The following KAT2A variants were observed in gnomAD, a reference collection of about 807,000 sequenced individuals.
The protein encoded by KAT2A is histone acetyltransferase KAT2A.
Under a neutral mutation model 95.2 loss-of-function variants are expected in KAT2A, and 42 were observed. The ratio of observed to expected loss-of-function variants is 0.44; its 90% CI spans 0.34 to 0.57. The LOEUF is 0.57. KAT2A is among the 20% of genes least tolerant of loss of function. The pLI, the probability that KAT2A is intolerant of heterozygous loss-of-function variation, is 0.01. For missense variants in KAT2A, 784 were observed against 1,126.3 expected (o/e 0.70, Z 4.35); for synonymous variants, 449 against 448.2 (o/e 1.00, Z -0.02).
intron 2 of KAT2A, 40 bp from the exon 3 acceptor site, chr17:42,120,410 G>A (rs375934578): frequency 7.9e-5 from 127 of 1,607,648 alleles, no homozygotes; most frequent in South Asian, 1.2e-4. Context: ...ATTGATAGAA[G>A]AAATCAACAA....
In KAT2A at chr17:42,114,730, T is replaced by C. The variant is rs1302105705; in HGVS notation, c.2020-126A>G. 2 of 1,164,798 alleles carry C rather than the reference T, an allele frequency of 1.7e-6. No individual in the cohort carries two copies. Among genetic ancestry groups the C allele is most frequent in the Non-Finnish European group, 2.5e-6 (2 of 802,638 alleles). The allele number at this position is 1,164,798 out of a possible 1,614,324, so 72.2% of individuals were successfully genotyped here. ...CCACCTAATCCAGCACCTCCCCTCA[T>C]AACTTCCCCAAGGGAGCAGAGCAAG... is the stretch of plus-strand genomic sequence containing the variant. On this transcript the variant is annotated intron_variant, in intron 13 of 17. Coordinates refer to ENST00000225916, the MANE Select transcript of KAT2A (RefSeq NM_021078.3). This position sits in a 1 kb window ranked among gnomAD's most constrained non-coding sequence, Gnocchi z 6.0.
intron 6 of KAT2A, 94 bp from the exon 7 acceptor site, chr17:42,118,497 C>G: frequency 1.2e-6 from 1 of 860,366 alleles, no homozygotes. Context: ...CAGAGACAGA[C>G]CCTGCTCTTA....
rs2054282875 is a variant in KAT2A, at chr17:42,118,007, A to G, written c.1191T>C (p.Ser397=). The change falls in exon 8 of 18, where the codon AGT becomes AGC. Residue 397 remains serine (S), a synonymous_variant. Coordinates refer to ENST00000225916, the MANE Select transcript of KAT2A (RefSeq NM_021078.3). ...TQLVPRPASV[S]AAVVPSTPIF... is the part of the protein sequence containing the mutation. The stretch of plus-strand genomic sequence containing the variant: ...TGGGGGTGCTGGGAACAACCGCTGC[A>G]CTGACTGAAGCTGAGGAGAGAGAGA... The G allele has an allele frequency of 1.1e-5, 18 of 1,589,464 alleles. No homozygotes were observed. Among genetic ancestry groups the G allele is most frequent in the Non-Finnish European group, 1.5e-5 (18 of 1,169,048 alleles).
At position 42,118,409 on chromosome 17, in the gene KAT2A, G is replaced by C. The variant is rs781802689; in HGVS notation, c.1074-6C>G. The C allele has an allele frequency of 3.8e-6, 6 of 1,585,064 alleles. No individual in the cohort carries two copies. The African/African-American group carries it at 8.1e-5, about 21-fold the overall frequency. The stretch of plus-strand genomic sequence containing the variant: ...CCTCCAGCATGGACAGGAATCTGTA[G>C]GGAGGACACAGTCTGTCCCACAACT... On this transcript the variant is annotated splice_region_variant and splice_polypyrimidine_tract_variant and intron_variant, in intron 6 of 17. Transcript: ENST00000225916.
chr17:42,117,622 C>A lies in KAT2A; in HGVS notation c.1429-26G>T, dbSNP rs561719000. ...CTGGGCACAGAAGAGGGGTGGTGAG[C>A]CGGGGTCTCAGGTTGGTGGGGGTCC... On this transcript the variant is annotated intron_variant, in intron 9 of 17. Coordinates refer to ENST00000225916, the MANE Select transcript of KAT2A (RefSeq NM_021078.3). The surrounding 1 kb of genome is among the most constrained non-coding windows in gnomAD (Gnocchi z 8.9). The A allele has an allele frequency of 6.2e-7, 1 of 1,606,960 alleles. No individual in the cohort carries two copies. Among genetic ancestry groups the A allele is most frequent in the South Asian group, 1.1e-5 (1 of 90,676 alleles).
At position 42,113,749 on chromosome 17, in the gene KAT2A, C is replaced by G; in HGVS notation, c.2414G>C (p.Arg805Pro). Residue 805 changes from arginine (R) to proline (P), a missense_variant, in exon 18 of 18, where the codon CGC (arginine) becomes CCC (proline). Arg to Pro is a moderately radical substitution (Grantham distance 103, BLOSUM62 -2). Around this residue, in one of 6 missense-constraint regions of KAT2A, gnomAD observed 195 missense variants for 247.1 expected, o/e 0.79. Coordinates refer to ENST00000225916, the MANE Select transcript of KAT2A (RefSeq NM_021078.3). ...ADLQRVIANCREYNPPDSEYC... is the reference protein window; with the variant it reads ...ADLQRVIANCPEYNPPDSEYC... ...CTCGCTGTCCGGGGGGTTGTACTCG[C>G]GACAGTTGGCGATGACCCGCTGCAG... 2 of 1,610,294 alleles carry G rather than the reference C, an allele frequency of 1.2e-6. No individual in the cohort carries two copies. Among genetic ancestry groups the G allele is most frequent in the Non-Finnish European group, 1.7e-6 (2 of 1,178,910 alleles).
rs2054310121 is a variant in KAT2A at position 42,119,808 on chromosome 17, A to C, written c.700-90T>G. 3 of 1,198,212 alleles carry C rather than the reference A, an allele frequency of 2.5e-6. No homozygotes were observed. In the South Asian group the frequency reaches 4.5e-5, roughly 18 times the overall value. The allele number at this position is 1,198,212 out of a possible 1,614,324, so 74.2% of individuals were successfully genotyped here. ...AGACAAAGGAAGATGCTCCCTGGCC[A>C]GGGACAAGGTTCTCCTTCTCCTCTC... On this transcript the variant is annotated intron_variant, in intron 4 of 17. Transcript: ENST00000225916. The surrounding 1 kb of genome is among the most constrained non-coding windows in gnomAD (Gnocchi z 5.3).
At chr17:42,120,567 G>T in intron 2 of KAT2A, 139 bp downstream of exon 2, 1 of 1,296,372 alleles carries the variant, frequency 7.7e-7, no homozygotes, top group South Asian at 1.3e-5. Flanking sequence ...CTCCCCCCTT[G>T]GTGCACACCC....
At position 42,117,887 on chromosome 17, in the gene KAT2A, G is replaced by A. The variant is rs141701888; in HGVS notation, c.1291+20C>T. The A allele has an allele frequency of 2.9e-4, 471 of 1,600,166 alleles. No individual in the cohort carries two copies. In the African/African-American group the frequency reaches 5.6e-3, roughly 19 times the overall value. ...GGGAAGGAGTGAATGAGGGTCAGAG[G>A]TCAGGGGTCAAGTATCCACCTGGCA... On this transcript the variant is annotated intron_variant, in intron 8 of 17. Transcript: ENST00000225916. This position sits in a 1 kb window ranked among gnomAD's most constrained non-coding sequence, Gnocchi z 8.9.
At position 42,117,561 on chromosome 17, in the gene KAT2A, C is replaced by G. The variant is rs2054276778; in HGVS notation, c.1464G>C (p.Glu488Asp). 6.2e-7 allele frequency: 1 copy of G among 1,613,202 alleles called. No individual in the cohort carries two copies. Among genetic ancestry groups the G allele is most frequent in the Non-Finnish European group, 8.5e-7 (1 of 1,180,008 alleles). Residue 488 changes from glutamate to aspartate, a missense_variant, in exon 10 of 18, where the codon GAG becomes GAC. Glu to Asp is a conservative substitution (Grantham distance 45). This residue lies in a region of KAT2A where 174 missense variants were observed against 324.9 expected (regional missense o/e 0.54). Coordinates refer to ENST00000225916, the MANE Select transcript of KAT2A (RefSeq NM_021078.3). This position sits in a 1 kb window ranked among gnomAD's most constrained non-coding sequence, Gnocchi z 8.9. ...CGCGGCGCTCCTCCAGGCGGGCTGTCTCATCCCGGGCCGCATTGGCCGAAA... is the reference window on the plus strand; with the variant it reads ...CGCGGCGCTCCTCCAGGCGGGCTGTGTCATCCCGGGCCGCATTGGCCGAAA... ...SLLSANAARDETARLEERRGI... is the reference protein window; with the variant it reads ...SLLSANAARDDTARLEERRGI...
rs147662719 is a variant in KAT2A at position 42,118,302 on chromosome 17, C to T, written c.1175G>A (p.Arg392Gln). 95 of 1,607,824 alleles carry T rather than the reference C, an allele frequency of 5.9e-5. No individual in the cohort carries two copies. Among genetic ancestry groups the T allele is most frequent in the African/African-American group, 1.6e-4 (12 of 74,904 alleles). ...PPSEGTQLVP[R>Q]PASVSAAVVP... is the part of the protein sequence containing the mutation. ...GAGCGTACCATGGCACATACCTGGCCGGGGAACCAGCTGTGTCCCCTCTGA... is the reference window on the plus strand; with the variant it reads ...GAGCGTACCATGGCACATACCTGGCTGGGGAACCAGCTGTGTCCCCTCTGA... Residue 392 changes from arginine to glutamine, a missense_variant, in exon 7 of 18, where the codon CGG becomes CAG. Transcript: ENST00000225916.
rs782253705 is a variant in KAT2A, at chr17:42,121,310, C to T, written c.-6G>A. On this transcript the variant is annotated 5_prime_UTR_variant, in exon 1 of 18. Coordinates refer to ENST00000225916, the MANE Select transcript of KAT2A (RefSeq NM_021078.3). ...GCCTGGGAAGGTTCCGCCATGGCCT[C>T]CCCCGCAGCGGAGAGCGGCGCCGCG... is the stretch of plus-strand genomic sequence containing the variant. The T allele has an allele frequency of 4.4e-6, 6 of 1,367,032 alleles. No individual in the cohort carries two copies. Among genetic ancestry groups the T allele is most frequent in the Non-Finnish European group, 4.7e-6 (5 of 1,067,820 alleles). 84.7% of individuals were successfully genotyped at this position (1,367,032 alleles called of 1,614,324 possible). A position where few individuals can be genotyped will look rare whatever the true frequency, so the allele number is the denominator to read the frequency against.
chr17:42,115,258 C>T (rs976832788), intron 12 of KAT2A, among the ~76,000 whole-genome samples: 3 of 144,924 alleles, frequency 2.1e-5, no homozygotes, highest in Non-Finnish European at 4.5e-5. Flanking sequence ...CTCCAGCCTG[C>T]TCTACTGGCC....
At chr17:42,115,614 A>C in intron 12 of KAT2A, 109 bp downstream of exon 12, 1 of 741,534 alleles carries the variant, frequency 1.3e-6, no homozygotes, top group South Asian at 1.5e-5. Flanking sequence ...GGCAGGTGTC[A>C]GGTGAAGTAG....
chr17:42,120,173 C>T lies in KAT2A; in HGVS notation c.609+52G>A, dbSNP rs1157270722. On this transcript the variant is annotated intron_variant, in intron 3 of 17. Coordinates refer to ENST00000225916, the MANE Select transcript of KAT2A (RefSeq NM_021078.3). ...GGGAGGGGGGCAGAGCTGCAGACAA[C>T]CCCTCAAGGCCCCACCTCCTTCACT... is the stretch of plus-strand genomic sequence containing the variant. The T allele has an allele frequency of 1.9e-6, 3 of 1,613,648 alleles. No homozygotes were observed. In the South Asian group the frequency reaches 3.3e-5, roughly 18 times the overall value.
rs1568009274 is a variant in KAT2A, at chr17:42,114,249, T to G, written c.2205A>C (p.Thr735=). The change falls in exon 16 of 18, where the codon ACA becomes ACC. Residue 735 remains threonine (T), a synonymous_variant. Coordinates refer to ENST00000225916, the MANE Select transcript of KAT2A (RefSeq NM_021078.3). This position sits in a 1 kb window ranked among gnomAD's most constrained non-coding sequence, Gnocchi z 6.0. The part of the protein sequence containing the change: ...KELKDPDQLY[T]TLKNLLAQIK... ...TTTGGGCCAGCAGGTTTTTGAGGGTTGTGTAGAGCTGGTCGGGGTCCTTCA... is the reference window on the plus strand; with the variant it reads ...TTTGGGCCAGCAGGTTTTTGAGGGTGGTGTAGAGCTGGTCGGGGTCCTTCA... The G allele has an allele frequency of 1.2e-6, 2 of 1,602,928 alleles. No homozygotes were observed. Among genetic ancestry groups the G allele is most frequent in the Admixed American group, 1.7e-5 (1 of 58,502 alleles).
Position 42,120,429 on chromosome 17 carries a change from G to A in KAT2A, c.464-59C>T, listed in dbSNP as rs2054319862. 33 of 1,570,558 alleles carry A rather than the reference G, an allele frequency of 2.1e-5. 3 individuals are homozygous for A. In the South Asian group the frequency reaches 3.6e-4, roughly 17 times the overall value. On this transcript the variant is annotated intron_variant, in intron 2 of 17. Transcript: ENST00000225916. ...ATAGAAGAAATCAACAAGGCTTCTT[G>A]ACCCTCTTCACAGCCAAGCAAGATA...
Position 42,121,081 on chromosome 17 carries a change from TC to T in KAT2A, c.223del (p.Asp75IlefsTer7), listed in dbSNP as rs782442271. On this transcript the variant is annotated frameshift_variant, in exon 1 of 18. Transcript: ENST00000225916. LOFTEE classifies it high-confidence loss of function. ...CTGGCTCAGGCCAGGTCGAGCCGGA[TC>T]CCCCCCGCTCCCGGCCCCCCCACTT... is the stretch of plus-strand genomic sequence containing the variant. ...VGSGGAGSGG[D>X]PARPGLSQQQ... is the part of the protein sequence containing the mutation. 13 of 1,548,996 alleles carry T rather than the reference TC, an allele frequency of 8.4e-6. No homozygotes were observed. The highest frequency in any genetic ancestry group is 1.2e-5 in the South Asian group (1 of 84,752).
At position 42,119,900 on chromosome 17, in the gene KAT2A, C is replaced by A; in HGVS notation, c.699+130G>T. 1 of 1,030,092 alleles carries A rather than the reference C, an allele frequency of 9.7e-7. No homozygotes were observed. Among genetic ancestry groups the A allele is most frequent in the Non-Finnish European group, 1.5e-6 (1 of 678,976 alleles). 63.8% of individuals were successfully genotyped at this position (1,030,092 alleles called of 1,614,324 possible). ...ACCACCATGCCCACCCTGAGGTTAGCACAAAACACCCTTCCTTCTCTGAAC... is the reference window on the plus strand; with the variant it reads ...ACCACCATGCCCACCCTGAGGTTAGAACAAAACACCCTTCCTTCTCTGAAC... On this transcript the variant is annotated intron_variant, in intron 4 of 17. Transcript: ENST00000225916. The surrounding 1 kb of genome is among the most constrained non-coding windows in gnomAD (Gnocchi z 5.3).
Sources: allele counts gnomAD v4.1 joint callset (sites outside exome capture counted in the v4.1 genomes callset), GRCh38; gene constraint gnomAD v4.1.1; regional missense constraint gnomAD v4.1.1; non-coding constraint Gnocchi (gnomAD v3.1); transcripts MANE v1.5; gene names NCBI Gene and HGNC (gene_info 2026-07-23, HGNC 2026-07-21).